ANO4: variants seen among roughly 807,000 people sequenced by gnomAD.
ANO4 encodes anoctamin-4.
A neutral mutation model predicts 141.9 loss-of-function variants in ANO4; 69 were observed. That is an observed-to-expected ratio of 0.49 (90% CI 0.40 to 0.59). The LOEUF is 0.59. Among genes scored for constraint, ANO4 ranks in the 20% least tolerant of loss-of-function variants. The probability of loss-of-function intolerance (pLI) is 0.00; values close to 1 mark genes in which losing one functional copy is unlikely to be tolerated. For missense variants in ANO4, 894 were observed against 1,162.2 expected (o/e 0.77, Z 3.36); for synonymous variants, 350 against 394.3 (o/e 0.89, Z 1.33).
At chr12:101,056,139 T>C (rs1257152682) in intron 14 of ANO4, among the ~76,000 whole-genome samples, 6 of 152,158 alleles carry the variant, frequency 3.9e-5, no homozygotes, top group African/African-American at 1.4e-4. Flanking sequence ...TCCAAAAAAA[T>C]TGTAGAATCA....
At chr12:101,093,962 A>C (rs1243329608) in intron 17 of ANO4, among the ~76,000 whole-genome samples, 1 of 152,164 alleles carries the variant, frequency 6.6e-6, no homozygotes, top group Non-Finnish European at 1.5e-5. Context: ...CTGGTAATGA[A>C]TAGCAGCTAG....
intron 26 of ANO4, among the ~76,000 whole-genome samples, chr12:101,124,096 T>G (rs2051207721): frequency 6.6e-6 from 1 of 152,208 alleles, no homozygotes; most frequent in Non-Finnish European, 1.5e-5. Flanking sequence ...AGTGTAAAAG[T>G]GTTCCTTTTT....
chr12:100,972,892 C>G lies in ANO4; in HGVS notation c.557+1486C>G, dbSNP rs547727648. ...GAGCAATGGTAATGCAAAGCCAATTCTCTTACTACCTGCAAAGGATTTTGT... is the reference window on the plus strand; with the variant it reads ...GAGCAATGGTAATGCAAAGCCAATTGTCTTACTACCTGCAAAGGATTTTGT... On this transcript the variant is annotated intron_variant, in intron 6 of 27. Coordinates refer to ENST00000392977, the MANE Select transcript of ANO4 (RefSeq NM_001286615.2). Among the ~76,000 whole-genome samples the G allele has an allele frequency of 5.3e-5, 8 of 152,308 alleles. No individual in the cohort carries two copies. The South Asian group carries it at 1.7e-3, about 32-fold the overall frequency.
intron 14 of ANO4, among the ~76,000 whole-genome samples, chr12:101,051,599 G>A (rs930698613): frequency 8.5e-5 from 13 of 152,162 alleles, no homozygotes; most frequent in African/African-American, 2.9e-4. Context: ...ATTCATTTCC[G>A]AGGGATTACT....
chr12:100,899,127 A>G (rs527726649), intron 1 of ANO4, among the ~76,000 whole-genome samples: 2 of 152,286 alleles, frequency 1.3e-5, no homozygotes, highest in East Asian at 3.9e-4. Context: ...TGAGCATCAG[A>G]GTGCCTGGGG....
intron 6 of ANO4, among the ~76,000 whole-genome samples, chr12:100,973,779 G>A (rs142542173): frequency 1.3e-5 from 2 of 152,270 alleles, no homozygotes; most frequent in Admixed American, 6.5e-5. Context: ...TTTGACAAAG[G>A]CATATCATGT....
intron 22 of ANO4, among the ~76,000 whole-genome samples, chr12:101,105,220 G>A (rs1211289829): frequency 6.6e-6 from 1 of 152,106 alleles, no homozygotes; most frequent in East Asian, 1.9e-4. Context: ...GCCAGCACTA[G>A]CCCAGCTTAA....
At chr12:101,041,524 A>C (rs2047409784) in intron 11 of ANO4, among the ~76,000 whole-genome samples, 1 of 152,226 alleles carries the variant, frequency 6.6e-6, no homozygotes, top group African/African-American at 2.4e-5. Flanking sequence ...ATTTTGATTA[A>C]GATTTTGCGG....
intron 17 of ANO4, among the ~76,000 whole-genome samples, chr12:101,092,698 C>T (rs575982556): frequency 1.1e-4 from 16 of 152,254 alleles, no homozygotes; most frequent in Middle Eastern, 3.4e-3. Context: ...TAATATTACT[C>T]ATATGTTGAC....
At position 101,044,973 on chromosome 12, in the gene ANO4, G is replaced by A. The variant is rs561006827; in HGVS notation, c.1251+1338G>A. Among the ~76,000 whole-genome samples the A allele has an allele frequency of 5.4e-5, 8 of 149,146 alleles. No individual in the cohort carries two copies. The South Asian group carries it at 1.7e-3, about 32-fold the overall frequency. ...CTCAGGTTTTAAAATTCTGCTTCTGGGGAAACCCCAAAATCAGAAGCCAAT... is the reference window on the plus strand; with the variant it reads ...CTCAGGTTTTAAAATTCTGCTTCTGAGGAAACCCCAAAATCAGAAGCCAAT... On this transcript the variant is annotated intron_variant, in intron 13 of 27. Transcript: ENST00000392977.
At chr12:100,935,319 T>C (rs182140336) in intron 3 of ANO4, among the ~76,000 whole-genome samples, 59 of 152,280 alleles carry the variant, frequency 3.9e-4, no homozygotes, top group Non-Finnish European at 7.4e-4. Context: ...TGAATTTTGT[T>C]GAAGGCCTTT....
intron 5 of ANO4, among the ~76,000 whole-genome samples, chr12:100,944,125 C>T (rs1044478544): frequency 1.3e-5 from 2 of 152,124 alleles, no homozygotes; most frequent in South Asian, 2.1e-4. Flanking sequence ...AATGTTATTT[C>T]GTGATTTATT....
intron 3 of ANO4, among the ~76,000 whole-genome samples, chr12:100,758,725 C>A (rs192287405): frequency 6.6e-6 from 1 of 152,268 alleles, no homozygotes; most frequent in Admixed American, 6.5e-5. Flanking sequence ...AAATCTATTC[C>A]TTCACAGTTC....
At chr12:101,042,198 G>T (rs1203100766) in intron 11 of ANO4, 136 bp from the exon 12 acceptor site, 2 of 1,062,104 alleles carry the variant, frequency 1.9e-6, no homozygotes, top group Non-Finnish European at 2.7e-6. Context: ...TTGATGGGAT[G>T]TTCTTTTATC....
intron 3 of ANO4, among the ~76,000 whole-genome samples, chr12:100,758,398 G>A (rs2032707706): frequency 6.6e-6 from 1 of 152,178 alleles, no homozygotes; most frequent in Non-Finnish European, 1.5e-5. Context: ...GTGGAGTGAG[G>A]CAGTCTGGAG....
chr12:100,856,100 G>T (rs1428369735), intron 1 of ANO4, among the ~76,000 whole-genome samples: 1 of 152,130 alleles, frequency 6.6e-6, no homozygotes, highest in Non-Finnish European at 1.5e-5. Flanking sequence ...AGTCTACAGT[G>T]CATTTGGAAA....
chr12:100,735,797 G>T (rs2031582291), intron 2 of ANO4, among the ~76,000 whole-genome samples: 1 of 152,134 alleles, frequency 6.6e-6, no homozygotes. Flanking sequence ...TAGATGTGTT[G>T]ATTTGATGTG....
chr12:100,899,336 C>T (rs1487874277), intron 1 of ANO4, among the ~76,000 whole-genome samples: 1 of 152,170 alleles, frequency 6.6e-6, no homozygotes, highest in Non-Finnish European at 1.5e-5. Flanking sequence ...ACACTGAGAA[C>T]CCTAGCTGCC....
At chr12:101,004,518 C>T (rs1364324066) in intron 8 of ANO4, among the ~76,000 whole-genome samples, 1 of 152,178 alleles carries the variant, frequency 6.6e-6, no homozygotes, top group East Asian at 1.9e-4. Context: ...CCCTTCCAGT[C>T]TCCCTCTCAT....
Sources: allele counts gnomAD v4.1 joint callset (sites outside exome capture counted in the v4.1 genomes callset), GRCh38; gene constraint gnomAD v4.1.1; transcripts MANE v1.5; gene names NCBI Gene and HGNC (gene_info 2026-07-23, HGNC 2026-07-21).